PROM1: variants seen among roughly 807,000 people sequenced by gnomAD.
PROM1 encodes prominin-1.
In PROM1, 105 loss-of-function variants were observed where a neutral mutation model predicts 116.9. The ratio of observed to expected loss-of-function variants is 0.90; its 90% CI spans 0.77 to 1.06. The LOEUF is 1.06. Ranked by LOEUF, PROM1 falls within the 50% of genes least tolerant of loss-of-function variation. The pLI is 0.00. For missense variants in PROM1, 1,122 were observed against 1,045.2 expected, an observed-to-expected ratio of 1.07 and a Z score of -1.01; for synonymous variants, 393 against 387.0, an observed-to-expected ratio of 1.02 and a Z score of -0.18.
chr4:15,980,446 A>G lies in PROM1; in HGVS notation c.2465T>C (p.Met822Thr). Residue 822 changes from methionine to threonine, a missense_variant, in exon 24 of 28, where the codon ATG becomes ACG. Coordinates refer to ENST00000447510, the MANE Select transcript of PROM1 (RefSeq NM_006017.3). ...CTCATCGTACACGTCCTCCGAATCC[A>G]TTCGACGATAGTACTTAGCCAGTTT... ...AVKLAKYYRR[M>T]DSEDVYDDVE... 6.4e-7 allele frequency: 1 copy of G among 1,553,390 alleles called. No individual in the cohort carries two copies. Among genetic ancestry groups the G allele is most frequent in the East Asian group, 2.4e-5 (1 of 41,516 alleles).
intron 11 of PROM1, among the ~76,000 whole-genome samples, 158 bp from the exon 12 acceptor site, chr4:16,009,266 C>A (rs1276532529): frequency 1.3e-5 from 2 of 152,162 alleles, no homozygotes; most frequent in African/African-American, 2.4e-5. Context: ...ATGAATATAG[C>A]CAAGACCATC....
intron 19 of PROM1, 28 bp downstream of exon 19, chr4:15,989,704 T>A (rs1193674199): frequency 6.5e-7 from 1 of 1,542,444 alleles, no homozygotes; most frequent in Non-Finnish European, 8.9e-7. Flanking sequence ...CAGGTCACAG[T>A]GAAATACAAT....
chr4:16,048,988 T>A (rs1234135454), intron 2 of PROM1, among the ~76,000 whole-genome samples: 2 of 152,192 alleles, frequency 1.3e-5, no homozygotes, highest in Non-Finnish European at 2.9e-5. Context: ...CCTGATATCC[T>A]GACCATTGCA....
At chr4:16,051,776 C>T (rs987846677) in intron 2 of PROM1, among the ~76,000 whole-genome samples, 24 of 152,284 alleles carry the variant, frequency 1.6e-4, no homozygotes, top group African/African-American at 5.8e-4. Flanking sequence ...AGGTTTCTGA[C>T]CCTGGTTTAA....
chr4:15,996,086 A>C (rs1255384206), intron 15 of PROM1, among the ~76,000 whole-genome samples: 1 of 152,252 alleles, frequency 6.6e-6, no homozygotes, highest in East Asian at 1.9e-4. Flanking sequence ...TGTGGATATT[A>C]AAGAAGTTTA....
intron 2 of PROM1, among the ~76,000 whole-genome samples, chr4:16,073,457 A>C (rs1743260025): frequency 6.6e-6 from 1 of 152,202 alleles, no homozygotes; most frequent in South Asian, 2.1e-4. Flanking sequence ...TGTCCTCTAC[A>C]TTGCAAAGCA....
Position 16,006,530 on chromosome 4 carries a change from ACACT to A in PROM1, c.1454+4_1454+7del, listed in dbSNP as rs766178093. ...ACTCCCACATGACAGAGAGGAGCAGACACTCACACCATGAGGAAGACGCCTCCGG... is the reference window on the plus strand; with the variant it reads ...ACTCCCACATGACAGAGAGGAGCAGACACACCATGAGGAAGACGCCTCCGG... On this transcript the variant is annotated splice_donor_5th_base_variant and intron_variant, in intron 13 of 27. Transcript: ENST00000447510. 3 of 1,580,660 alleles carry A rather than the reference ACACT, an allele frequency of 1.9e-6. No homozygotes were observed. The highest frequency in any genetic ancestry group is 2.6e-6 in the Non-Finnish European group (3 of 1,164,120).
intron 13 of PROM1, among the ~76,000 whole-genome samples, chr4:16,001,865 T>C (rs1052952637): frequency 2.0e-5 from 3 of 152,016 alleles, no homozygotes; most frequent in Non-Finnish European, 4.4e-5. Flanking sequence ...CAGAGCCTGG[T>C]TAAGTATTGA....
intron 5 of PROM1, among the ~76,000 whole-genome samples, chr4:16,029,004 A>G (rs1317003271): frequency 6.6e-6 from 1 of 152,220 alleles, no homozygotes; most frequent in African/African-American, 2.4e-5. Context: ...TATTGCTCTT[A>G]CCAATTTCTA....
At chr4:15,989,217 A>G (rs1720308554) in intron 19 of PROM1, among the ~76,000 whole-genome samples, 1 of 152,210 alleles carries the variant, frequency 6.6e-6, no homozygotes, top group Non-Finnish European at 1.5e-5. Flanking sequence ...CAAAGCCCAC[A>G]TTCTTTCTTT....
chr4:16,039,092 T>C, intron 2 of PROM1, 91 bp from the exon 3 acceptor site: 1 of 1,005,504 alleles, frequency 9.9e-7, no homozygotes. Flanking sequence ...GCTTAAAAAT[T>C]ATTATACCTA....
Position 16,024,297 on chromosome 4 carries a change from T to C in PROM1, c.692A>G (p.Asn231Ser). 6.2e-7 allele frequency: 1 copy of C among 1,612,812 alleles called. No homozygotes were observed. The highest frequency in any genetic ancestry group is 8.5e-7 in the Non-Finnish European group (1 of 1,178,978). ...AAGCAACTTTAAATTTTACTCACTGTTCAGATCTGTGAACGCCTTGTCCTT... is the reference window on the plus strand; with the variant it reads ...AAGCAACTTTAAATTTTACTCACTGCTCAGATCTGTGAACGCCTTGTCCTT... ...TTKDKAFTDL[N>S]SINSVLGGGI... is the part of the protein sequence containing the mutation. The change falls in exon 7 of 28, where the codon AAC becomes AGC. Residue 231 changes from asparagine to serine, a missense_variant and splice_region_variant. Asn to Ser is a conservative substitution (Grantham distance 46). Coordinates refer to ENST00000447510, the MANE Select transcript of PROM1 (RefSeq NM_006017.3).
chr4:15,985,370 T>A (rs527258437), intron 22 of PROM1: 37 of 207,686 alleles, frequency 1.8e-4, no homozygotes, highest in Non-Finnish European at 2.6e-4. Flanking sequence ...AAGATCCTTA[T>A]TCTCTCTGAG....
intron 23 of PROM1, among the ~76,000 whole-genome samples, chr4:15,981,241 G>A (rs982118173): frequency 7.7e-4 from 115 of 150,292 alleles, no homozygotes; most frequent in Admixed American, 1.8e-3. Flanking sequence ...GATTACAGGC[G>A]TGAGCCACCG....
intron 26 of PROM1, among the ~76,000 whole-genome samples, chr4:15,977,113 C>T (rs1341622360): frequency 6.6e-6 from 1 of 152,206 alleles, no homozygotes; most frequent in African/African-American, 2.4e-5. Context: ...ACCATGGCTC[C>T]TCATAAACAT....
At chr4:16,017,189 T>G (rs899103159) in intron 9 of PROM1, among the ~76,000 whole-genome samples, 3 of 152,190 alleles carry the variant, frequency 2.0e-5, no homozygotes, top group African/African-American at 7.2e-5. Flanking sequence ...CATGTATATA[T>G]TAAATGATAT....
In PROM1 at chr4:15,979,987, TC is replaced by T. The variant is rs138197994; in HGVS notation, c.2490-84del. 6.3e-3 allele frequency: 5,322 copies of T among 840,098 alleles called. 207 individuals carry two copies. In the African/African-American group the frequency reaches 0.084, roughly 13 times the overall value. 52.0% of individuals were successfully genotyped at this position (840,098 alleles called of 1,614,324 possible). A position where few individuals can be genotyped will look rare whatever the true frequency, so the allele number is the denominator to read the frequency against. ...GCAACTACATCCCCCAAATATTTAC[TC>T]TAACACGGATACTGACAGTGCAAAC... On this transcript the variant is annotated intron_variant, in intron 24 of 27. Coordinates refer to ENST00000447510, the MANE Select transcript of PROM1 (RefSeq NM_006017.3).
At chr4:16,058,688 T>C (rs962862409) in intron 2 of PROM1, among the ~76,000 whole-genome samples, 5 of 151,148 alleles carry the variant, frequency 3.3e-5, no homozygotes, top group Admixed American at 2.0e-4. Context: ...ATTTAAAAAC[T>C]TAGAGGAGGA....
intron 23 of PROM1, among the ~76,000 whole-genome samples, chr4:15,982,202 G>A (rs560401511): frequency 6.6e-6 from 1 of 152,232 alleles, no homozygotes; most frequent in East Asian, 1.9e-4. Context: ...ACACTAGAAC[G>A]ACTCTCCCCA....
Sources: allele counts gnomAD v4.1 joint callset (sites outside exome capture counted in the v4.1 genomes callset), GRCh38; gene constraint gnomAD v4.1.1; transcripts MANE v1.5; gene names NCBI Gene and HGNC (gene_info 2026-07-23, HGNC 2026-07-21).